SIPA1: variants seen among roughly 807,000 people sequenced by gnomAD.
SIPA1 encodes signal-induced proliferation-associated 1, also known as signal-induced proliferation-associated protein 1.
A neutral mutation model predicts 88.1 loss-of-function variants in SIPA1; 51 were observed. The observed-to-expected ratio is 0.58, with a 90% CI of 0.46 to 0.73. The LOEUF (loss-of-function observed/expected upper bound fraction) is 0.73, where lower values mean the gene tolerates loss of function less well. Ranked by LOEUF, SIPA1 falls within the 30% of genes least tolerant of loss-of-function variation. SIPA1 has a pLI of 0.00. For missense variants in SIPA1, 1,348 were observed against 1,467.6 expected (o/e 0.92, Z 1.33); for synonymous variants, 681 against 664.8 (o/e 1.02, Z -0.37).
Position 65,645,152 on chromosome 11 carries a change from G to A in SIPA1, c.1159+23G>A, listed in dbSNP as rs895639341. 5 of 1,608,714 alleles carry A rather than the reference G, an allele frequency of 3.1e-6. No homozygotes were observed. The African/African-American group carries it at 5.3e-5, about 17-fold the overall frequency. ...AAAGTGAGGCCCAGGGGCAGGAGGG[G>A]TGGGAGCAGATCTGTGCTGAAGGGG... is the stretch of plus-strand genomic sequence containing the variant. On this transcript the variant is annotated intron_variant, in intron 5 of 15. Coordinates refer to ENST00000534313, the MANE Select transcript of SIPA1 (RefSeq NM_006747.4).
rs756702219 is a variant in SIPA1 at position 65,645,059 on chromosome 11, T to A, written c.1089T>A (p.Phe363Leu). ...NQEAGPAFMQ[F>L]LTLLGDVVRL... ...AGGCGGGACCGGCCTTCATGCAGTTTCTCACCTTGCTGGGCGATGTGGTGC... is the reference window on the plus strand; with the variant it reads ...AGGCGGGACCGGCCTTCATGCAGTTACTCACCTTGCTGGGCGATGTGGTGC... Residue 363 changes from phenylalanine (F) to leucine (L), a missense_variant, in exon 5 of 16, where the codon TTT (phenylalanine) becomes TTA (leucine). Around this residue, in one of 4 missense-constraint regions of SIPA1, gnomAD observed 641 missense variants for 797.7 expected, o/e 0.80. Transcript: ENST00000534313. 1 of 1,614,072 alleles carries A rather than the reference T, an allele frequency of 6.2e-7. No homozygotes were observed. Among genetic ancestry groups the A allele is most frequent in the Non-Finnish European group, 8.5e-7 (1 of 1,179,938 alleles).
rs1224120940 is a variant in SIPA1 at position 65,638,172 on chromosome 11, G to C, written c.-102G>C. 6.6e-6 allele frequency: 1 copy of C among 152,414 alleles called. No homozygotes were observed. The highest frequency in any genetic ancestry group is 1.5e-5 in the Non-Finnish European group (1 of 68,128). The allele number at this position is 152,414 out of a possible 1,614,324, so 9.4% of individuals were successfully genotyped here. The stretch of plus-strand genomic sequence containing the variant: ...AGCGCGGGCGGCGGCGGCTGGGCGG[G>C]AGCCCCAGAGGTACTGGCGGGAGCA... On this transcript the variant is annotated 5_prime_UTR_variant, in exon 1 of 16. Coordinates refer to ENST00000534313, the MANE Select transcript of SIPA1 (RefSeq NM_006747.4).
chr11:65,650,253 G>T, intron 14 of SIPA1, 61 bp downstream of exon 14: 1 of 1,580,872 alleles, frequency 6.3e-7, no homozygotes, highest in East Asian at 2.2e-5. Flanking sequence ...CTTCGTGCCT[G>T]TCTGCTGGGG....
At position 65,642,675 on chromosome 11, in the gene SIPA1, C is replaced by A; in HGVS notation, c.984+36C>A. 1 of 1,483,570 alleles carries A rather than the reference C, an allele frequency of 6.7e-7. No homozygotes were observed. Among genetic ancestry groups the A allele is most frequent in the Non-Finnish European group, 9.0e-7 (1 of 1,115,042 alleles). The allele number at this position is 1,483,570 out of a possible 1,614,324, so 91.9% of individuals were successfully genotyped here. Reference sequence around the variant, plus strand: ...GGCCGCGGAGCCCCCAGCCATACAGCTGGCCCCAGTCTGAACCCAGCCTGC... The same window carrying A: ...GGCCGCGGAGCCCCCAGCCATACAGATGGCCCCAGTCTGAACCCAGCCTGC... On this transcript the variant is annotated intron_variant, in intron 4 of 15. Coordinates refer to ENST00000534313, the MANE Select transcript of SIPA1 (RefSeq NM_006747.4). The surrounding 1 kb of genome is among the most constrained non-coding windows in gnomAD (Gnocchi z 6.5).
intron 4 of SIPA1, among the ~76,000 whole-genome samples, chr11:65,643,056 C>T (rs749204982): frequency 6.6e-5 from 10 of 152,118 alleles, no homozygotes; most frequent in Non-Finnish European, 1.2e-4. Context: ...GCTGGGATTA[C>T]AGGTGCATGC....
At chr11:65,647,362 A>C (rs2135525618) in intron 8 of SIPA1, 22 bp from the exon 9 acceptor site, 1 of 1,389,742 alleles carries the variant, frequency 7.2e-7, no homozygotes, top group Non-Finnish European at 9.2e-7. Flanking sequence ...AGCCCCGCCC[A>C]CTCGTCCCGC....
rs745889231 is a variant in SIPA1 at position 65,647,071 on chromosome 11, C to G, written c.2031+6C>G. 28 of 1,525,204 alleles carry G rather than the reference C, an allele frequency of 1.8e-5. No individual in the cohort carries two copies. The Admixed American group carries it at 2.5e-4, about 13-fold the overall frequency. 94.5% of individuals were successfully genotyped at this position (1,525,204 alleles called of 1,614,324 possible). On this transcript the variant is annotated splice_donor_region_variant and intron_variant, in intron 8 of 15. Coordinates refer to ENST00000534313, the MANE Select transcript of SIPA1 (RefSeq NM_006747.4). ...AGGTGGTGGCGCGCCTGCAGGTGAG[C>G]TGGAGTGGTAAACTGGGGCCCCTGC...
chr11:65,649,408 C>T lies in SIPA1; in HGVS notation c.2453C>T (p.Pro818Leu), dbSNP rs759984767. 7 of 1,589,688 alleles carry T rather than the reference C, an allele frequency of 4.4e-6. No homozygotes were observed. Among genetic ancestry groups the T allele is most frequent in the Middle Eastern group, 3.3e-4 (2 of 6,026 alleles). The change falls in exon 10 of 16, where the codon CCT (proline) becomes CTT (leucine). Residue 818 changes from proline to leucine, a missense_variant. Physicochemically the swap from Pro to Leu is moderately conservative, Grantham distance 98. Around this residue, in one of 4 missense-constraint regions of SIPA1, gnomAD observed 615 missense variants for 559.8 expected, o/e 1.10. Transcript: ENST00000534313. Reference protein sequence around the residue: ...LHLCLQDGGSPPGPGDLAEER... With the variant: ...LHLCLQDGGSLPGPGDLAEER... ...CTGTGCCTGCAAGATGGTGGCAGTC[C>T]TCCAGGGCCTGGGGATCTGGCCGAG... is the stretch of plus-strand genomic sequence containing the variant.
At position 65,646,566 on chromosome 11, in the gene SIPA1, C is replaced by T; in HGVS notation, c.1532C>T (p.Ala511Val). The change falls in exon 8 of 16, where the codon GCG becomes GTG. Residue 511 changes from alanine to valine, a missense_variant. Ala to Val is a moderately conservative substitution (Grantham distance 64, BLOSUM62 0). This residue lies in a region of SIPA1 where 641 missense variants were observed against 797.7 expected (regional missense o/e 0.80). Coordinates refer to ENST00000534313, the MANE Select transcript of SIPA1 (RefSeq NM_006747.4). This position sits in a 1 kb window ranked among gnomAD's most constrained non-coding sequence, Gnocchi z 7.5. ...TTCCGGGCCTTCCTGCTGGCCAAAG[C>T]GCTGAATGGTGAGCAGGCGGCCGGC... is the stretch of plus-strand genomic sequence containing the variant. The part of the protein sequence containing the change: ...ADFRAFLLAK[A>V]LNGEQAAGHA... 6.4e-7 allele frequency: 1 copy of T among 1,552,236 alleles called. No individual in the cohort carries two copies. Among genetic ancestry groups the T allele is most frequent in the African/African-American group, 1.4e-5 (1 of 73,714 alleles).
At chr11:65,649,506 C>T (rs768750452) in intron 10 of SIPA1, 26 bp downstream of exon 10, 81 of 1,613,780 alleles carry the variant, frequency 5.0e-5, no homozygotes, top group Non-Finnish European at 6.5e-5. Flanking sequence ...CTTCCCTCTC[C>T]TCCAGGCCTC....
At position 65,649,544 on chromosome 11, in the gene SIPA1, AC is replaced by A. The variant is rs1565183698; in HGVS notation, c.2526-13del. The A allele has an allele frequency of 2.5e-6, 4 of 1,613,748 alleles. No individual in the cohort carries two copies. The South Asian group carries it at 4.4e-5, about 18-fold the overall frequency. On this transcript the variant is annotated splice_polypyrimidine_tract_variant and intron_variant, in intron 10 of 15. Coordinates refer to ENST00000534313, the MANE Select transcript of SIPA1 (RefSeq NM_006747.4). ...GGAAAGCGGCTTCCCTTTCTGAGCC[AC>A]CCCTGCTCTCCCCAGCTCTCTGTCG...
chr11:65,646,053 C>T lies in SIPA1; in HGVS notation c.1263+96C>T, dbSNP rs1216117810. 3 of 1,241,296 alleles carry T rather than the reference C, an allele frequency of 2.4e-6. No individual in the cohort carries two copies. The East Asian group carries it at 7.3e-5, about 30-fold the overall frequency. 76.9% of individuals were successfully genotyped at this position (1,241,296 alleles called of 1,614,324 possible). On this transcript the variant is annotated intron_variant, in intron 6 of 15. Coordinates refer to ENST00000534313, the MANE Select transcript of SIPA1 (RefSeq NM_006747.4). The surrounding 1 kb of genome is among the most constrained non-coding windows in gnomAD (Gnocchi z 7.5). ...TGAGCTTTGGCCGGAGCTCTGTTGG[C>T]CCCAACAGCCCGCCCCTCTGGTGGC...
Position 65,646,308 on chromosome 11 carries a change from C to T in SIPA1, c.1351C>T (p.Arg451Cys), listed in dbSNP as rs1454412548. Residue 451 changes from arginine (R) to cysteine (C), a missense_variant, in exon 7 of 16, where the codon CGC (arginine) becomes TGC (cysteine). Arg to Cys is a radical substitution (Grantham distance 180). This residue lies in a region of SIPA1 where 641 missense variants were observed against 797.7 expected (regional missense o/e 0.80). Transcript: ENST00000534313. The surrounding 1 kb of genome is among the most constrained non-coding windows in gnomAD (Gnocchi z 7.5). ...GSKPFCPTTI[R>C]SHFQHVFLVV... ...CAAGCCCTTCTGCCCCACCACCATC[C>T]GCTCGCACTTCCAGCACGTGTTCCT... 2.5e-6 allele frequency: 4 copies of T among 1,614,098 alleles called. No homozygotes were observed. The highest frequency in any genetic ancestry group is 2.2e-5 in the South Asian group (2 of 91,086).
At chr11:65,643,996 A>G (rs1230079638) in intron 4 of SIPA1, among the ~76,000 whole-genome samples, 2 of 152,038 alleles carry the variant, frequency 1.3e-5, no homozygotes, top group East Asian at 3.9e-4. Context: ...TGGCAGCGAT[A>G]GTGGAGGTGA....
intron 11 of SIPA1, 27 bp from the exon 12 acceptor site, chr11:65,649,730 G>A: frequency 6.2e-7 from 1 of 1,614,068 alleles, no homozygotes; most frequent in Non-Finnish European, 8.5e-7. Context: ...GGGCATCACT[G>A]AATCTGTATC....
At chr11:65,649,169 C>T (rs557878327) in intron 9 of SIPA1, 93 bp from the exon 10 acceptor site, 1 of 914,166 alleles carries the variant, frequency 1.1e-6, no homozygotes, top group Admixed American at 2.9e-5. Context: ...CTCTCCTGCT[C>T]CTGGAAGTGA....
At chr11:65,640,182 G>A (rs949626265) in intron 1 of SIPA1, 1 of 152,302 alleles carries the variant, frequency 6.6e-6, no homozygotes, top group Non-Finnish European at 1.5e-5. Context: ...CAGGATGTGG[G>A]GGCCTGGCAG....
chr11:65,647,721 C>A, intron 9 of SIPA1, 63 bp downstream of exon 9: 2 of 1,239,824 alleles, frequency 1.6e-6, no homozygotes, highest in Non-Finnish European at 1.0e-6. Context: ...GCAGTCTGCG[C>A]CTCCCGGGTC....
At chr11:65,647,789 C>T (rs1197727656) in intron 9 of SIPA1, 131 bp downstream of exon 9, 1 of 660,614 alleles carries the variant, frequency 1.5e-6, no homozygotes, top group African/African-American at 1.9e-5. Context: ...AAGAATCTCC[C>T]GTCTCTTAGC....
Sources: gnomAD v4.1 joint callset for allele counts (sites outside exome capture counted in the v4.1 genomes callset) on GRCh38, gnomAD v4.1.1 for gene constraint, gnomAD v4.1.1 regional missense constraint, Gnocchi (gnomAD v3.1) non-coding constraint, MANE v1.5 for transcripts, NCBI Gene and HGNC (gene_info 2026-07-23, HGNC 2026-07-21) for gene names.